Variants in GRM7 observed in about 807,000 individuals in gnomAD.
GRM7 encodes the protein metabotropic glutamate receptor 7.
Under a neutral mutation model 84.5 loss-of-function variants are expected in GRM7, and 35 were observed. The ratio of observed to expected loss-of-function variants is 0.41; its 90% CI spans 0.32 to 0.55. The LOEUF is 0.55. Ranked by LOEUF, GRM7 falls within the 20% of genes least tolerant of loss-of-function variation. GRM7 has a pLI of 0.19. For synonymous variants in GRM7, 487 were observed against 455.1 expected (o/e 1.07, Z -0.89); for missense variants, 1,003 against 1,194.6 (o/e 0.84, Z 2.36).
At chr3:7,018,958 G>T (rs138135271) in intron 1 of GRM7, among the ~76,000 whole-genome samples, 3 of 152,104 alleles carry the variant, frequency 2.0e-5, no homozygotes, top group Admixed American at 6.6e-5. Flanking sequence ...TTAGCCAGGC[G>T]TCATGGCGCA....
intron 4 of GRM7, among the ~76,000 whole-genome samples, chr3:7,314,392 A>G (rs1700509946): frequency 6.6e-6 from 1 of 151,746 alleles, no homozygotes; most frequent in Admixed American, 6.6e-5. Context: ...CAAAGTTATA[A>G]GTAATGGGCT....
At chr3:7,017,444 A>G (rs1381484643) in intron 1 of GRM7, among the ~76,000 whole-genome samples, 5 of 152,348 alleles carry the variant, frequency 3.3e-5, no homozygotes, top group East Asian at 3.9e-4. Context: ...TGAGCTGGGC[A>G]AGCGAGTCAA....
intron 2 of GRM7, among the ~76,000 whole-genome samples, chr3:7,181,463 A>C (rs903586409): frequency 6.7e-6 from 1 of 150,134 alleles, no homozygotes; most frequent in Non-Finnish European, 1.5e-5. Flanking sequence ...CCATATTCTC[A>C]TTTTTTTTTA....
intron 2 of GRM7, among the ~76,000 whole-genome samples, chr3:7,216,207 A>G (rs1349705795): frequency 2.0e-5 from 3 of 152,172 alleles, no homozygotes; most frequent in African/African-American, 7.2e-5. Context: ...AGGTGACTTT[A>G]TGCCTGTATT....
chr3:7,708,528 G>A (rs909873306), intron 9 of GRM7, among the ~76,000 whole-genome samples: 1 of 152,108 alleles, frequency 6.6e-6, no homozygotes, highest in African/African-American at 2.4e-5. Context: ...GGAAGGTCAT[G>A]GTCTGTTGGA....
Position 7,547,194 on chromosome 3 carries a change from C to CTTTTTT in GRM7, c.1516-31203_1516-31198dup, listed in dbSNP as rs55678792. Among the ~76,000 whole-genome samples the CTTTTTT allele has an allele frequency of 4.7e-4, 36 of 76,418 alleles. 3 individuals are homozygous for CTTTTTT. The highest frequency in any genetic ancestry group is 3.1e-3 in the South Asian group (5 of 1,632). The allele number at this position is 76,418 out of a possible 152,430, so 50.1% of individuals were successfully genotyped here. A position where few individuals can be genotyped will look rare whatever the true frequency, so the allele number is the denominator to read the frequency against. The stretch of plus-strand genomic sequence containing the variant: ...CAGCACAGCCCCCAGAGAGTGAATT[C>CTTTTTT]TTTTTTTTTTTTTTTTTTTTTTTTT... On this transcript the variant is annotated intron_variant, in intron 7 of 9. Transcript: ENST00000357716.
intron 7 of GRM7, among the ~76,000 whole-genome samples, chr3:7,550,577 CTGTG>C (rs369817211): frequency 0.022 from 1,151 of 52,880 alleles, 14 homozygotes; most frequent in Middle Eastern, 0.083. Flanking sequence ...CTCTCTCTCT[CTGTG>C]TGTGTGTGTG....
intron 9 of GRM7, among the ~76,000 whole-genome samples, chr3:7,722,686 A>C (rs1293877747): frequency 6.6e-6 from 1 of 151,976 alleles, no homozygotes; most frequent in Non-Finnish European, 1.5e-5. Flanking sequence ...CAAGTGATCC[A>C]CCACCTCGGC....
intron 2 of GRM7, among the ~76,000 whole-genome samples, chr3:7,153,133 ATTTT>A (rs34465661): frequency 1.9e-5 from 2 of 103,386 alleles, no homozygotes; most frequent in Non-Finnish European, 1.9e-5. Flanking sequence ...GGTACTGTGG[ATTTT>A]TTTTTTTTTT....
chr3:7,380,338 C>A (rs73809086), intron 4 of GRM7, among the ~76,000 whole-genome samples: 3,401 of 138,176 alleles, frequency 0.025, 128 homozygotes, highest in African/African-American at 0.085. Flanking sequence ...CAGAAGTTAT[C>A]CTCTGCGCAT....
chr3:6,927,437 G>A (rs1162659230), intron 1 of GRM7, among the ~76,000 whole-genome samples: 1 of 110,620 alleles, frequency 9.0e-6, no homozygotes, highest in Non-Finnish European at 1.8e-5. Flanking sequence ...AGAAAAGAAA[G>A]AAGAAAGAGA....
At position 7,474,759 on chromosome 3, in the gene GRM7, T is replaced by G. The variant is rs57718102; in HGVS notation, c.1515+13037T>G. On this transcript the variant is annotated intron_variant, in intron 7 of 9. Transcript: ENST00000357716. ...GAATGTCATGATGTCACGTTTACAG[T>G]ATTCTAGGGACATGAGTAGGGACCA... Among the ~76,000 whole-genome samples the G allele has an allele frequency of 5.5e-3, 830 of 152,070 alleles. 9 individuals are homozygous for G. Among genetic ancestry groups the G allele is most frequent in the African/African-American group, 0.019 (797 of 41,384 alleles).
At chr3:6,974,785 G>A (rs1693924526) in intron 1 of GRM7, among the ~76,000 whole-genome samples, 1 of 152,184 alleles carries the variant, frequency 6.6e-6, no homozygotes, top group South Asian at 2.1e-4. Context: ...GTGGAAACCT[G>A]ATTGAACTGT....
At chr3:6,967,458 G>C (rs949346168) in intron 1 of GRM7, among the ~76,000 whole-genome samples, 1 of 152,176 alleles carries the variant, frequency 6.6e-6, no homozygotes, top group Non-Finnish European at 1.5e-5. Flanking sequence ...GTCTCCCAAA[G>C]TGTTGGGATT....
intron 1 of GRM7, among the ~76,000 whole-genome samples, chr3:7,140,059 G>T (rs983008855): frequency 3.9e-5 from 6 of 151,976 alleles, no homozygotes; most frequent in Non-Finnish European, 7.4e-5. Context: ...TACATGGAAA[G>T]GTGCACAACA....
chr3:7,171,262 C>T (rs2125088292), intron 2 of GRM7, among the ~76,000 whole-genome samples: 1 of 152,202 alleles, frequency 6.6e-6, no homozygotes, highest in East Asian at 1.9e-4. Context: ...CTTATCTTCC[C>T]TCTGCTTGTC....
intron 1 of GRM7, among the ~76,000 whole-genome samples, chr3:7,009,013 C>G (rs955594305): frequency 2.0e-5 from 3 of 152,130 alleles, no homozygotes; most frequent in Admixed American, 6.5e-5. Flanking sequence ...GAAAAGTTGC[C>G]TCTTTATGAA....
chr3:7,732,329 G>T (rs1283859993), intron 9 of GRM7, among the ~76,000 whole-genome samples: 1 of 152,150 alleles, frequency 6.6e-6, no homozygotes, highest in Non-Finnish European at 1.5e-5. Flanking sequence ...AACTGTCTCT[G>T]CCATCCTGAT....
At chr3:7,180,091 T>C (rs1372161886) in intron 2 of GRM7, among the ~76,000 whole-genome samples, 1 of 152,160 alleles carries the variant, frequency 6.6e-6, no homozygotes, top group Non-Finnish European at 1.5e-5. Flanking sequence ...TCACAGAACA[T>C]TGTTTGAAAA....
Sources: allele counts gnomAD v4.1 joint callset (sites outside exome capture counted in the v4.1 genomes callset), GRCh38; gene constraint gnomAD v4.1.1; transcripts MANE v1.5; gene names NCBI Gene and HGNC (gene_info 2026-07-23, HGNC 2026-07-21).